Variants in STAT2 observed in about 807,000 individuals in gnomAD.
STAT2 encodes signal transducer and activator of transcription 2, also known as interferon alpha induced transcriptional activator.
In STAT2, 51 loss-of-function variants were observed where a neutral mutation model predicts 122.3. The observed-to-expected ratio is 0.42, with a 90% CI of 0.33 to 0.53. STAT2 has a LOEUF of 0.53. STAT2 is among the 20% of genes least tolerant of loss of function. The probability of loss-of-function intolerance (pLI) is 0.10; values close to 1 mark genes in which losing one functional copy is unlikely to be tolerated. For missense variants in STAT2, 736 were observed against 1,010.3 expected (o/e 0.73, Z 3.68); for synonymous variants, 351 against 394.9 (o/e 0.89, Z 1.32).
chr12:56,342,804 T>C lies in STAT2; in HGVS notation c.*585A>G, dbSNP rs1876777858. On this transcript the variant is annotated 3_prime_UTR_variant, in exon 24 of 24. Coordinates refer to ENST00000314128, the MANE Select transcript of STAT2 (RefSeq NM_005419.4). ...GACTGGTAAGAAAAAGAGGTCTACT[T>C]CCTATCCATCCCTTTCTTCAGGGTA... The C allele has an allele frequency of 5.3e-5, 8 of 152,176 alleles. No individual in the cohort carries two copies. Among genetic ancestry groups the C allele is most frequent in the Admixed American group, 4.6e-4 (7 of 15,278 alleles). The allele number at this position is 152,176 out of a possible 1,614,324, so 9.4% of individuals were successfully genotyped here. A position where few individuals can be genotyped will look rare whatever the true frequency, so the allele number is the denominator to read the frequency against.
At position 56,343,551 on chromosome 12, in the gene STAT2, A is replaced by T. The variant is rs1207051286; in HGVS notation, c.2414-20T>A. The T allele has an allele frequency of 6.2e-7, 1 of 1,610,036 alleles. No homozygotes were observed. Among genetic ancestry groups the T allele is most frequent in the Non-Finnish European group, 8.5e-7 (1 of 1,177,394 alleles). On this transcript the variant is annotated intron_variant, in intron 23 of 23. Transcript: ENST00000314128. ...TGAAGACTAGGTAATCCAGAGAGAAAAGTGAGGCCCCGATCTTAGTTAGGA... is the reference window on the plus strand; with the variant it reads ...TGAAGACTAGGTAATCCAGAGAGAATAGTGAGGCCCCGATCTTAGTTAGGA...
intron 8 of STAT2, among the ~76,000 whole-genome samples, chr12:56,352,625 T>C (rs1878718656): frequency 6.6e-6 from 1 of 151,852 alleles, no homozygotes; most frequent in Non-Finnish European, 1.5e-5. Flanking sequence ...CATGCATGCA[T>C]GCATGCTGGT....
intron 11 of STAT2, 105 bp from the exon 12 acceptor site, chr12:56,350,537 C>T: frequency 9.4e-7 from 1 of 1,061,414 alleles, no homozygotes; most frequent in Non-Finnish European, 1.4e-6. Flanking sequence ...GACTTGAGCT[C>T]ACTAGCTATG....
At chr12:56,345,903 A>G (rs1360075240) in intron 22 of STAT2, among the ~76,000 whole-genome samples, 1 of 152,004 alleles carries the variant, frequency 6.6e-6, no homozygotes, top group East Asian at 1.9e-4. Flanking sequence ...GCAGAAAAAT[A>G]TGAGATAGGA....
At chr12:56,357,608 G>A (rs959791746) in intron 1 of STAT2, among the ~76,000 whole-genome samples, 3 of 151,882 alleles carry the variant, frequency 2.0e-5, no homozygotes, top group African/African-American at 4.8e-5. Context: ...GCCTTCCAAA[G>A]TGCTGGGATT....
intron 8 of STAT2, among the ~76,000 whole-genome samples, chr12:56,353,046 T>C (rs1482407028): frequency 6.6e-6 from 1 of 151,824 alleles, no homozygotes; most frequent in Non-Finnish European, 1.5e-5. Flanking sequence ...TACAGTGGCA[T>C]GATCACAGCT....
At chr12:56,350,062 T>C in intron 13 of STAT2, 35 bp downstream of exon 13, 1 of 1,551,372 alleles carries the variant, frequency 6.4e-7, no homozygotes, top group Non-Finnish European at 8.8e-7. Context: ...AAAATAAAAA[T>C]AGTAATAAAA....
In STAT2 at chr12:56,360,038, C is replaced by CA; in HGVS notation, c.-8+19dup. 1.0e-6 allele frequency: 1 copy of CA among 985,222 alleles called. No individual in the cohort carries two copies. The allele number at this position is 985,222 out of a possible 1,614,324, so 61.0% of individuals were successfully genotyped here. On this transcript the variant is annotated intron_variant, in intron 1 of 23. Coordinates refer to ENST00000314128, the MANE Select transcript of STAT2 (RefSeq NM_005419.4). ...TCTCACCCCCACCCCTACCCCAGCA[C>CA]ACCCTCTCAGGGCCCGTACCTGATT...
Position 56,343,851 on chromosome 12 carries a change from C to T in STAT2, c.2387G>A (p.Arg796Lys). The stretch of plus-strand genomic sequence containing the variant: ...TTCCATTGGCTCAGTGTTCAAATGT[C>T]TCAGATCACAGGGCAAATCTGGCTC... ...VPEPDLPCDL[R>K]HLNTEPMEIF... The change falls in exon 23 of 24, where the codon AGA becomes AAA. Residue 796 changes from arginine to lysine, a missense_variant. Arg to Lys is a conservative substitution (Grantham distance 26, BLOSUM62 2). Coordinates refer to ENST00000314128, the MANE Select transcript of STAT2 (RefSeq NM_005419.4). 6.2e-7 allele frequency: 1 copy of T among 1,614,222 alleles called. No individual in the cohort carries two copies. Among genetic ancestry groups the T allele is most frequent in the Non-Finnish European group, 8.5e-7 (1 of 1,180,032 alleles).
chr12:56,344,548 C>T (rs1454424845), intron 22 of STAT2, among the ~76,000 whole-genome samples: 1 of 152,160 alleles, frequency 6.6e-6, no homozygotes, highest in Non-Finnish European at 1.5e-5. Context: ...AAAATAAATG[C>T]AAACCATTTA....
At chr12:56,354,041 A>ATATATATATATATATT (rs1491487679) in intron 8 of STAT2, among the ~76,000 whole-genome samples, 1 of 44,822 alleles carries the variant, frequency 2.2e-5, no homozygotes, top group African/African-American at 4.7e-5. Flanking sequence ...ATATATATAT[A>ATATATATATATATATT]AAAAATACTG....
chr12:56,359,886 T>C (rs757512586), intron 1 of STAT2, among the ~76,000 whole-genome samples, 172 bp downstream of exon 1: 18 of 152,134 alleles, frequency 1.2e-4, no homozygotes, highest in Non-Finnish European at 2.1e-4. Flanking sequence ...GTTAGGGAGA[T>C]AGGCTGGACA....
intron 8 of STAT2, among the ~76,000 whole-genome samples, chr12:56,354,016 A>AAAAAAAAAATATATATATAT (rs71081350): frequency 6.0e-5 from 1 of 16,678 alleles, no homozygotes; most frequent in African/African-American, 1.1e-4. Flanking sequence ...AAAAAAAAAA[A>AAAAAAAAAATATATATATAT]ATATATATAT....
At chr12:56,343,585 C>G in intron 23 of STAT2, 54 bp from the exon 24 acceptor site, 1 of 1,587,202 alleles carries the variant, frequency 6.3e-7, no homozygotes, top group South Asian at 1.1e-5. Context: ...GAGTTCCCAA[C>G]CCAGCAGGGA....
At chr12:56,354,918 GGGGTCTCAGTC>G in intron 6 of STAT2, 55 bp from the exon 7 acceptor site, 1 of 1,549,104 alleles carries the variant, frequency 6.5e-7, no homozygotes, top group Non-Finnish European at 8.9e-7. Context: ...CTTCCTGACT[GGGGTCTCAGTC>G]AGAGTCAGGA....
intron 8 of STAT2, among the ~76,000 whole-genome samples, chr12:56,354,016 A>AAAAAAATATATATATAT (rs71081350): frequency 1.2e-4 from 2 of 16,698 alleles, no homozygotes; most frequent in Non-Finnish European, 1.6e-4. Flanking sequence ...AAAAAAAAAA[A>AAAAAAATATATATATAT]ATATATATAT....
In STAT2 at chr12:56,355,637, A is replaced by T; in HGVS notation, c.381+71T>A. ...GTCGGGGGGATCCTGTTCTGAGACA[A>T]CTCCCTGAGTCCTTTCCATGGTTCC... On this transcript the variant is annotated intron_variant, in intron 4 of 23. Coordinates refer to ENST00000314128, the MANE Select transcript of STAT2 (RefSeq NM_005419.4). 1.9e-6 allele frequency: 3 copies of T among 1,593,552 alleles called. No individual in the cohort carries two copies. The East Asian group carries it at 6.7e-5, about 36-fold the overall frequency.
chr12:56,352,626 G>A (rs987080409), intron 8 of STAT2, among the ~76,000 whole-genome samples: 1 of 151,540 alleles, frequency 6.6e-6, no homozygotes, highest in African/African-American at 2.4e-5. Context: ...ATGCATGCAT[G>A]CATGCTGGTC....
rs1360640354 is a variant in STAT2, at chr12:56,356,494, G to A, written c.78C>T (p.Leu26=). 1.9e-6 allele frequency: 3 copies of A among 1,614,226 alleles called. No individual in the cohort carries two copies. In the South Asian group the frequency reaches 3.3e-5, roughly 18 times the overall value. The change falls in exon 2 of 24, where the codon CTC becomes CTT. Residue 26 remains leucine (L), a synonymous_variant. Coordinates refer to ENST00000314128, the MANE Select transcript of STAT2 (RefSeq NM_005419.4). ...DQLHQLYSHS[L]LPVDIRQYLA... Reference sequence around the variant, plus strand: ...AGTACTGTCGAATGTCCACAGGCAGGAGGCTGTGCGAGTAAAGCTGGTGCA... The same window carrying A: ...AGTACTGTCGAATGTCCACAGGCAGAAGGCTGTGCGAGTAAAGCTGGTGCA...
Sources: gnomAD v4.1 joint callset for allele counts (sites outside exome capture counted in the v4.1 genomes callset) on GRCh38, gnomAD v4.1.1 for gene constraint, MANE v1.5 for transcripts, NCBI Gene and HGNC (gene_info 2026-07-23, HGNC 2026-07-21) for gene names.